The following CAMKMT variants were observed in gnomAD, a reference collection of about 807,000 sequenced individuals.
The protein encoded by CAMKMT is CaM KMT.
A neutral mutation model predicts 48.0 loss-of-function variants in CAMKMT; 53 were observed. The ratio of observed to expected loss-of-function variants is 1.10; its 90% CI spans 0.89 to 1.39. The LOEUF is 1.39. CAMKMT is among the 40% of genes most tolerant of loss of function. The probability of loss-of-function intolerance (pLI) is 0.00; values close to 1 mark genes in which losing one functional copy is unlikely to be tolerated. For synonymous variants in CAMKMT, 165 were observed against 152.3 expected, an observed-to-expected ratio of 1.08 and a Z score of -0.61; for missense variants, 428 against 402.7, an observed-to-expected ratio of 1.06 and a Z score of -0.54.
intron 3 of CAMKMT, among the ~76,000 whole-genome samples, chr2:44,491,675 G>A (rs1310039511): frequency 2.6e-5 from 4 of 152,134 alleles, no homozygotes; most frequent in African/African-American, 4.8e-5. Context: ...TATCACTTGT[G>A]ACTATACATC....
chr2:44,692,941 A>G (rs1402507691), intron 3 of CAMKMT, among the ~76,000 whole-genome samples: 1 of 152,226 alleles, frequency 6.6e-6, no homozygotes, highest in Non-Finnish European at 1.5e-5. Flanking sequence ...GGAAAATCCT[A>G]TATGCGTCTG....
intron 3 of CAMKMT, among the ~76,000 whole-genome samples, chr2:44,495,948 T>A (rs1200726790): frequency 6.6e-6 from 1 of 152,228 alleles, no homozygotes; most frequent in Non-Finnish European, 1.5e-5. Flanking sequence ...ATCTCTTACT[T>A]TCTTATGAAT....
intron 3 of CAMKMT, among the ~76,000 whole-genome samples, chr2:44,623,560 C>T (rs1038844349): frequency 1.2e-4 from 19 of 152,122 alleles, no homozygotes; most frequent in African/African-American, 4.3e-4. Flanking sequence ...CCTGTTACCC[C>T]AGCACCATTT....
At chr2:44,675,834 C>T (rs1296682762) in intron 3 of CAMKMT, among the ~76,000 whole-genome samples, 1 of 152,062 alleles carries the variant, frequency 6.6e-6, no homozygotes, top group Non-Finnish European at 1.5e-5. Context: ...TCCATTCTCC[C>T]CTCCCCCAGC....
In CAMKMT at chr2:44,419,725, C is replaced by A. The variant is rs898624680; in HGVS notation, c.376+29420C>A. 3.4e-4 allele frequency among the ~76,000 whole-genome samples: 52 copies of A among 152,102 alleles called. 1 individual carries two copies. The highest frequency in any genetic ancestry group is 8.8e-5 in the Non-Finnish European group (6 of 68,018). ...CAGGTAGCTAGGACACAGGCGCATGCTAAAAATGTTATTTTTCCAAGAGGC... is the reference window on the plus strand; with the variant it reads ...CAGGTAGCTAGGACACAGGCGCATGATAAAAATGTTATTTTTCCAAGAGGC... On this transcript the variant is annotated intron_variant, in intron 3 of 10. Coordinates refer to ENST00000378494, the MANE Select transcript of CAMKMT (RefSeq NM_024766.5).
chr2:44,578,804 T>C (rs1669381625), intron 3 of CAMKMT, among the ~76,000 whole-genome samples: 1 of 152,162 alleles, frequency 6.6e-6, no homozygotes, highest in Non-Finnish European at 1.5e-5. Context: ...AAGTGAGAGT[T>C]AGAAGAAGTT....
chr2:44,401,828 A>T (rs1223717397), intron 3 of CAMKMT, among the ~76,000 whole-genome samples: 2 of 152,152 alleles, frequency 1.3e-5, no homozygotes, highest in Non-Finnish European at 2.9e-5. Flanking sequence ...TTTGACCTCT[A>T]CACCAGCAAC....
chr2:44,713,368 A>C (rs562282764), intron 6 of CAMKMT, among the ~76,000 whole-genome samples: 8 of 152,264 alleles, frequency 5.3e-5, no homozygotes, highest in Middle Eastern at 3.4e-3. Context: ...AACTCTAAGG[A>C]GGGTGTGGCC....
At chr2:44,486,681 A>G (rs987596884) in intron 3 of CAMKMT, among the ~76,000 whole-genome samples, 2 of 152,236 alleles carry the variant, frequency 1.3e-5, no homozygotes, top group South Asian at 2.1e-4. Context: ...CATTGAGCAT[A>G]TATGTTGCTC....
chr2:44,441,973 T>C (rs1338547835), intron 3 of CAMKMT, among the ~76,000 whole-genome samples: 4 of 152,176 alleles, frequency 2.6e-5, no homozygotes, highest in Non-Finnish European at 5.9e-5. Flanking sequence ...ACAAGGCTGA[T>C]GGAGAGCAAA....
At chr2:44,497,805 G>A (rs1349376262) in intron 3 of CAMKMT, among the ~76,000 whole-genome samples, 2 of 151,388 alleles carry the variant, frequency 1.3e-5, no homozygotes, top group African/African-American at 4.9e-5. Flanking sequence ...GACCAAGCAG[G>A]CATCAGAGCT....
intron 3 of CAMKMT, among the ~76,000 whole-genome samples, chr2:44,399,263 G>A (rs1413974702): frequency 2.0e-5 from 3 of 152,144 alleles, no homozygotes; most frequent in Non-Finnish European, 4.4e-5. Flanking sequence ...TTGTGTGATA[G>A]TCAAACACAG....
intron 3 of CAMKMT, among the ~76,000 whole-genome samples, chr2:44,634,465 A>C (rs1281550736): frequency 6.6e-6 from 1 of 152,038 alleles, no homozygotes; most frequent in Non-Finnish European, 1.5e-5. Flanking sequence ...CTCTAGTACC[A>C]GCTTTCAGTC....
Position 44,607,328 on chromosome 2 carries a change from T to C in CAMKMT, c.377-96955T>C, listed in dbSNP as rs531476614. On this transcript the variant is annotated intron_variant, in intron 3 of 10. Transcript: ENST00000378494. ...TCACAGTGGAAATGGTAGAGAAATC[T>C]CTGTTTTTCTCTTTAGGAAGCTAAT... is the stretch of plus-strand genomic sequence containing the variant. Among the ~76,000 whole-genome samples, 5 of 152,326 alleles carry C rather than the reference T, an allele frequency of 3.3e-5. No individual in the cohort carries two copies. In the South Asian group the frequency reaches 1.0e-3, roughly 32 times the overall value.
chr2:44,594,715 G>C (rs1323583760), intron 3 of CAMKMT, among the ~76,000 whole-genome samples: 1 of 152,136 alleles, frequency 6.6e-6, no homozygotes, highest in Non-Finnish European at 1.5e-5. Flanking sequence ...AACCCTAGAA[G>C]AAAACCTAGG....
intron 3 of CAMKMT, among the ~76,000 whole-genome samples, chr2:44,687,576 C>G (rs1676407604): frequency 6.6e-6 from 1 of 152,190 alleles, no homozygotes; most frequent in East Asian, 1.9e-4. Context: ...TGCTATCATT[C>G]AGCCACATAT....
rs541045642 is a variant in CAMKMT, at chr2:44,482,613, T to G, written c.376+92308T>G. 2.0e-5 allele frequency among the ~76,000 whole-genome samples: 3 copies of G among 152,330 alleles called. No homozygotes were observed. The East Asian group carries it at 5.8e-4, about 29-fold the overall frequency. ...ACATAGTTCTATTTTGAGTAAATAA[T>G]TTAAAATGCTGGGACCGTTTTCTCT... On this transcript the variant is annotated intron_variant, in intron 3 of 10. Transcript: ENST00000378494.
intron 3 of CAMKMT, among the ~76,000 whole-genome samples, chr2:44,572,296 C>G (rs557741907): frequency 1.1e-4 from 16 of 152,314 alleles, no homozygotes; most frequent in South Asian, 4.1e-4. Context: ...ATCTTCCCAT[C>G]ATGGCCTCCC....
chr2:44,627,328 A>G (rs556431627), intron 3 of CAMKMT, among the ~76,000 whole-genome samples: 11 of 152,214 alleles, frequency 7.2e-5, no homozygotes, highest in African/African-American at 2.6e-4. Flanking sequence ...TACTAGTTAC[A>G]GTCTTTTTAA....
Sources: allele counts gnomAD v4.1 joint callset (sites outside exome capture counted in the v4.1 genomes callset), GRCh38; gene constraint gnomAD v4.1.1; transcripts MANE v1.5; gene names NCBI Gene and HGNC (gene_info 2026-07-23, HGNC 2026-07-21).